The following RANBP2 variants were observed in gnomAD, a reference collection of about 807,000 sequenced individuals.
RANBP2 encodes E3 SUMO-protein ligase RanBP2.
Under a neutral mutation model 303.6 loss-of-function variants are expected in RANBP2, and 57 were observed. That is an observed-to-expected ratio of 0.19 (90% confidence interval 0.15 to 0.23). The LOEUF (loss-of-function observed/expected upper bound fraction) is 0.23, where lower values mean the gene tolerates loss of function less well. RANBP2 is among the 10% of genes least tolerant of loss of function. RANBP2 has a pLI of 1.00. For missense variants in RANBP2, 3,138 were observed against 3,780.8 expected (o/e 0.83, Z 4.46); for synonymous variants, 1,167 against 1,301.5 (o/e 0.90, Z 2.23).
At chr2:109,233,914 A>G in the RANBP2 span, among the ~76,000 whole-genome samples, 1 of 152,190 alleles carries the variant, frequency 6.6e-6, no homozygotes, top group Non-Finnish European at 1.5e-5. Context: ...ATAATATTCC[A>G]TCATATGGAG....
the RANBP2 span, among the ~76,000 whole-genome samples, chr2:109,028,542 C>T: frequency 2.6e-5 from 4 of 152,162 alleles, no homozygotes; most frequent in Non-Finnish European, 4.4e-5. Flanking sequence ...GGGTGACAGT[C>T]CTTGCATCAA....
chr2:108,767,827 G>C lies in RANBP2; in HGVS notation c.7288G>C (p.Asp2430His). ...TCGTTTTAAACTACAGGATGTTGCA[G>C]ACTCGTTTAAGAAAATTTTTGATGA... is the stretch of plus-strand genomic sequence containing the variant. Reference protein sequence around the residue: ...AVRFKLQDVADSFKKIFDEAK... With the variant: ...AVRFKLQDVAHSFKKIFDEAK... Residue 2430 changes from aspartate (D) to histidine (H), a missense_variant, in exon 20 of 29, where the codon GAC (aspartate) becomes CAC (histidine). Transcript: ENST00000283195. 1.2e-6 allele frequency: 2 copies of C among 1,610,846 alleles called. No individual in the cohort carries two copies. The highest frequency in any genetic ancestry group is 2.3e-4 in the Middle Eastern group (1 of 4,430).
downstream of RANBP2, among the ~76,000 whole-genome samples, chr2:108,790,173 T>C (rs1416804117): frequency 6.6e-6 from 1 of 152,188 alleles, no homozygotes; most frequent in Admixed American, 6.5e-5. Flanking sequence ...TATTTCATGT[T>C]GCACTCACAA....
chr2:108,981,042 A>T, the RANBP2 span, among the ~76,000 whole-genome samples: 1 of 152,230 alleles, frequency 6.6e-6, no homozygotes, highest in East Asian at 1.9e-4. Flanking sequence ...GAGTGCATAC[A>T]GAGCATGAGC....
At chr2:109,559,412 C>T in the RANBP2 span, among the ~76,000 whole-genome samples, 1 of 152,158 alleles carries the variant, frequency 6.6e-6, no homozygotes, top group Non-Finnish European at 1.5e-5. Flanking sequence ...CTGACCTAAA[C>T]TTACTGAGTT....
At chr2:109,368,273 A>G in the RANBP2 span, among the ~76,000 whole-genome samples, 4 of 152,146 alleles carry the variant, frequency 2.6e-5, no homozygotes, top group Admixed American at 2.6e-4. Context: ...GTTATTTTTA[A>G]CATTGAGTAT....
the RANBP2 span, among the ~76,000 whole-genome samples, chr2:108,830,305 A>AT: frequency 6.6e-6 from 1 of 152,174 alleles, no homozygotes; most frequent in African/African-American, 2.4e-5. Context: ...TCATTTTGGC[A>AT]TTTTGCAAAA....
At chr2:109,524,474 A>AAAAAAAAAAG in the RANBP2 span, among the ~76,000 whole-genome samples, 1 of 142,000 alleles carries the variant, frequency 7.0e-6, no homozygotes, top group African/African-American at 2.7e-5. Flanking sequence ...AAACAAAACA[A>AAAAAAAAAAG]CACTGGGCGC....
chr2:108,910,587 T>G, the RANBP2 span: 1 of 1,503,580 alleles, frequency 6.7e-7, no homozygotes, highest in South Asian at 1.1e-5. Flanking sequence ...CTCATGGCTC[T>G]GCGCTCAGCC....
the RANBP2 span, among the ~76,000 whole-genome samples, chr2:109,457,165 T>G: frequency 1.3e-5 from 2 of 152,220 alleles, no homozygotes; most frequent in Non-Finnish European, 2.9e-5. Context: ...TTTAGTTAGT[T>G]TGACGAATGC....
At chr2:108,973,298 T>C in the RANBP2 span, among the ~76,000 whole-genome samples, 1 of 152,074 alleles carries the variant, frequency 6.6e-6, no homozygotes, top group East Asian at 1.9e-4. Flanking sequence ...TCAGCATGTG[T>C]GTATAGTGCC....
chr2:109,552,803 G>A, the RANBP2 span: 3 of 291,426 alleles, frequency 1.0e-5, no homozygotes, highest in South Asian at 1.3e-4. Flanking sequence ...AGAAAAATGT[G>A]TGCACCCAAG....
the RANBP2 span, among the ~76,000 whole-genome samples, chr2:109,244,975 A>G: frequency 1.4e-4 from 22 of 152,126 alleles, no homozygotes; most frequent in Non-Finnish European, 3.1e-4. Context: ...CAGTATCTCT[A>G]TGGAGAACTG....
the RANBP2 span, chr2:108,791,862 AAG>A: frequency 6.8e-7 from 1 of 1,478,168 alleles, no homozygotes; most frequent in Non-Finnish European, 9.1e-7. Context: ...AGAGTAAATG[AAG>A]CTTCCCTCCT....
the RANBP2 span, among the ~76,000 whole-genome samples, chr2:109,066,413 C>CT: frequency 1.3e-5 from 2 of 152,016 alleles, no homozygotes; most frequent in African/African-American, 4.8e-5. Context: ...GCCGTGGATT[C>CT]TTTTTTTATA....
chr2:109,336,453 T>C, the RANBP2 span, among the ~76,000 whole-genome samples: 1 of 152,232 alleles, frequency 6.6e-6, no homozygotes, highest in African/African-American at 2.4e-5. Flanking sequence ...GTTTCTCCCT[T>C]GGGTACAAAG....
the RANBP2 span, among the ~76,000 whole-genome samples, chr2:108,904,036 T>C: frequency 1.3e-5 from 2 of 152,230 alleles, no homozygotes; most frequent in Non-Finnish European, 2.9e-5. Flanking sequence ...AACTATAGAA[T>C]GGAGAAAACA....
At chr2:108,731,274 C>T in intron 3 of RANBP2, 48 bp from the exon 4 acceptor site, 2 of 1,593,844 alleles carry the variant, frequency 1.3e-6, no homozygotes, top group Middle Eastern at 2.3e-4. Context: ...CTCCTACATA[C>T]ATACATACAA....
At chr2:109,254,207 C>A in the RANBP2 span, among the ~76,000 whole-genome samples, 6 of 152,156 alleles carry the variant, frequency 3.9e-5, no homozygotes, top group Non-Finnish European at 2.9e-5. Flanking sequence ...TAGACTTCTT[C>A]ACTCCACTCC....
Sources: gnomAD v4.1 joint callset for allele counts (sites outside exome capture counted in the v4.1 genomes callset) on GRCh38, gnomAD v4.1.1 for gene constraint, MANE v1.5 for transcripts, NCBI Gene and HGNC (gene_info 2026-07-23, HGNC 2026-07-21) for gene names.